Variants in ANXA11 observed in about 807,000 individuals in gnomAD.
ANXA11 encodes 56 kDa autoantigen.
ANXA11 carries 57 observed loss-of-function variants against 64.7 expected under a neutral mutation model. That is an observed-to-expected ratio of 0.88 (90% CI 0.71 to 1.10). The LOEUF is 1.10. ANXA11 is among the 50% of genes least tolerant of loss of function. The pLI, the probability that ANXA11 is intolerant of heterozygous loss-of-function variation, is 0.00. For missense variants in ANXA11, 675 were observed against 670.7 expected (o/e 1.01, Z -0.07); for synonymous variants, 260 against 265.2 (o/e 0.98, Z 0.19).
At chr10:80,203,559 G>C (rs1200266290) in intron 1 of ANXA11, among the ~76,000 whole-genome samples, 1 of 152,126 alleles carries the variant, frequency 6.6e-6, no homozygotes. Context: ...ACCTACATTA[G>C]GCAAGGCCCA....
At chr10:80,165,139 C>T (rs575723265) in intron 8 of ANXA11, among the ~76,000 whole-genome samples, 2 of 152,310 alleles carry the variant, frequency 1.3e-5, no homozygotes, top group African/African-American at 4.8e-5. Flanking sequence ...CATCGCCCTG[C>T]CTGATGGCCT....
chr10:80,171,063 A>G (rs1486775912), intron 3 of ANXA11, 148 bp from the exon 4 acceptor site: 7 of 1,520,850 alleles, frequency 4.6e-6, no homozygotes, highest in Middle Eastern at 1.7e-4. Flanking sequence ...ACATGAAAAC[A>G]CCAGGAGGAA....
rs1352211492 is a variant in ANXA11, at chr10:80,164,053, C to T, written c.949G>A (p.Glu317Lys). ...CAGAGGGCAGAGGGAGCGGCCTCAC[C>T]TGCTTTGTAGGCTCTGTTTAATTCT... ...IRELNRAYKA[E>K]FKKTLEEAIR... The change falls in exon 9 of 16, where the codon GAA becomes AAA. Residue 317 changes from glutamate to lysine, a missense_variant and splice_region_variant. Coordinates refer to ENST00000422982, the MANE Select transcript of ANXA11 (RefSeq NM_145868.2). 3 of 1,613,666 alleles carry T rather than the reference C, an allele frequency of 1.9e-6. No individual in the cohort carries two copies. Among genetic ancestry groups the T allele is most frequent in the Non-Finnish European group, 2.5e-6 (3 of 1,179,724 alleles).
In ANXA11 at chr10:80,153,791, T is replaced by C. The variant is rs962408540; in HGVS notation, c.*2062A>G. On this transcript the variant is annotated 3_prime_UTR_variant, in exon 16 of 16. Coordinates refer to ENST00000422982, the MANE Select transcript of ANXA11 (RefSeq NM_145868.2). ...ACCAGGCTAGTTCTCAGCTCATGGCTGCTCCACACCCTTCGGATGTCATTC... is the reference window on the plus strand; with the variant it reads ...ACCAGGCTAGTTCTCAGCTCATGGCCGCTCCACACCCTTCGGATGTCATTC... 1 of 152,266 alleles carries C rather than the reference T, an allele frequency of 6.6e-6. No individual in the cohort carries two copies. The highest frequency in any genetic ancestry group is 2.4e-5 in the African/African-American group (1 of 41,464). 9.4% of individuals were successfully genotyped at this position (152,266 alleles called of 1,614,324 possible).
intron 1 of ANXA11, among the ~76,000 whole-genome samples, chr10:80,178,177 A>G (rs1472330599): frequency 6.6e-6 from 1 of 151,876 alleles, no homozygotes; most frequent in Non-Finnish European, 1.5e-5. Context: ...CCCAGGAGAG[A>G]GGCAACACAG....
Position 80,157,940 on chromosome 10 carries a change from C to T in ANXA11, c.1335+27G>A, listed in dbSNP as rs753874099. The stretch of plus-strand genomic sequence containing the variant: ...GGCACAGGCGAGGCTAAGGTTCCAT[C>T]GCAACCTGCACATGGAAGTTACATA... On this transcript the variant is annotated intron_variant, in intron 14 of 15. Coordinates refer to ENST00000422982, the MANE Select transcript of ANXA11 (RefSeq NM_145868.2). 22 of 1,611,198 alleles carry T rather than the reference C, an allele frequency of 1.4e-5. No homozygotes were observed. In the Middle Eastern group the frequency reaches 4.9e-4, roughly 36 times the overall value.
At chr10:80,170,201 T>C (rs1845917640) in intron 4 of ANXA11, among the ~76,000 whole-genome samples, 1 of 152,188 alleles carries the variant, frequency 6.6e-6, no homozygotes, top group Non-Finnish European at 1.5e-5. Flanking sequence ...TTTTTGTTTG[T>C]TTTATTCACA....
intron 1 of ANXA11, among the ~76,000 whole-genome samples, chr10:80,185,262 C>T (rs909564215): frequency 6.6e-6 from 1 of 152,172 alleles, no homozygotes; most frequent in Non-Finnish European, 1.5e-5. Flanking sequence ...ACCGGGATGC[C>T]CAGGCCTAGC....
chr10:80,184,516 G>T (rs1484498726), intron 1 of ANXA11, among the ~76,000 whole-genome samples: 1 of 152,156 alleles, frequency 6.6e-6, no homozygotes, highest in Non-Finnish European at 1.5e-5. Context: ...ACCATCTTGA[G>T]TCAGGGACCG....
At chr10:80,172,732 C>T in intron 3 of ANXA11, 75 bp downstream of exon 3, 2 of 1,442,992 alleles carry the variant, frequency 1.4e-6, no homozygotes, top group South Asian at 1.1e-5. Flanking sequence ...GAGGAAACTA[C>T]TGTTCTCCCC....
intron 1 of ANXA11, among the ~76,000 whole-genome samples, chr10:80,197,269 G>A (rs1840209506): frequency 6.6e-6 from 1 of 152,148 alleles, no homozygotes; most frequent in African/African-American, 2.4e-5. Flanking sequence ...CACCTTCTCA[G>A]GCTGGAGAAT....
intron 1 of ANXA11, among the ~76,000 whole-genome samples, chr10:80,189,396 G>C (rs746264456): frequency 2.0e-5 from 3 of 152,142 alleles, no homozygotes; most frequent in Non-Finnish European, 4.4e-5. Flanking sequence ...AGATCCAAAA[G>C]ACCCTGAGAT....
At chr10:80,187,923 A>G (rs944575168) in intron 1 of ANXA11, among the ~76,000 whole-genome samples, 7 of 152,128 alleles carry the variant, frequency 4.6e-5, no homozygotes, top group African/African-American at 1.4e-4. Context: ...CCACACCCCA[A>G]GTCCTGTGGT....
chr10:80,196,135 A>G (rs927885345), intron 1 of ANXA11, among the ~76,000 whole-genome samples: 3 of 152,170 alleles, frequency 2.0e-5, no homozygotes, highest in African/African-American at 7.2e-5. Context: ...CATATATTAC[A>G]TCCCTATATA....
chr10:80,191,268 T>C (rs980670226), intron 1 of ANXA11, among the ~76,000 whole-genome samples: 11 of 151,972 alleles, frequency 7.2e-5, no homozygotes, highest in Admixed American at 7.2e-4. Context: ...CCAGGCATGG[T>C]GGCACGTGCC....
At chr10:80,159,982 G>A (rs80215919) in intron 12 of ANXA11, among the ~76,000 whole-genome samples, 5,142 of 152,242 alleles carry the variant, frequency 0.034, 305 homozygotes, top group African/African-American at 0.12. Flanking sequence ...CCTAGGACAC[G>A]CTAAGCACCC....
chr10:80,199,435 C>A (rs775979504), intron 1 of ANXA11, among the ~76,000 whole-genome samples: 1 of 151,952 alleles, frequency 6.6e-6, no homozygotes, highest in Non-Finnish European at 1.5e-5. Context: ...ATATTTAAAA[C>A]TAAGGGTTGG....
At chr10:80,169,783 A>G (rs1177451150) in intron 4 of ANXA11, among the ~76,000 whole-genome samples, 1 of 152,126 alleles carries the variant, frequency 6.6e-6, no homozygotes, top group Non-Finnish European at 1.5e-5. Context: ...AGGAATAAAA[A>G]CCTAAATCCT....
rs199988035 is a variant in ANXA11 at position 80,170,864 on chromosome 10, G to T, written c.107C>A (p.Pro36His). Residue 36 changes from proline to histidine, a missense_variant, in exon 4 of 16, where the codon CCC (proline) becomes CAC (histidine). Transcript: ENST00000422982. ...AAYPPPPSMP[P>H]IGLDNVATYA... ...GGTGGCCACGTTATCCAGCCCGATG[G>T]GGGGCATGCTGGGCGGAGGAGGGTA... The T allele has an allele frequency of 2.1e-5, 33 of 1,543,430 alleles. No individual in the cohort carries two copies. The African/African-American group carries it at 4.3e-4, about 20-fold the overall frequency.
Sources: allele counts gnomAD v4.1 joint callset (sites outside exome capture counted in the v4.1 genomes callset), GRCh38; gene constraint gnomAD v4.1.1; transcripts MANE v1.5; gene names NCBI Gene and HGNC (gene_info 2026-07-23, HGNC 2026-07-21).